USP15: variants seen among roughly 807,000 people sequenced by gnomAD.
USP15 encodes the protein ubiquitin carboxyl-terminal hydrolase 15.
A neutral mutation model predicts 127.1 loss-of-function variants in USP15; 18 were observed. The observed-to-expected ratio is 0.14, with a 90% CI of 0.10 to 0.21. The LOEUF (loss-of-function observed/expected upper bound fraction) is 0.21, where lower values mean the gene tolerates loss of function less well. USP15 is among the 10% of genes least tolerant of loss of function. The probability of loss-of-function intolerance (pLI) is 1.00; values close to 1 mark genes in which losing one functional copy is unlikely to be tolerated. For missense variants in USP15, 805 were observed against 1,159.9 expected, an observed-to-expected ratio of 0.69 and a Z score of 4.44; for synonymous variants, 364 against 393.7, an observed-to-expected ratio of 0.92 and a Z score of 0.89.
chr12:62,338,412 C>T (rs765070821), intron 6 of USP15, among the ~76,000 whole-genome samples: 2 of 152,084 alleles, frequency 1.3e-5, no homozygotes, highest in Non-Finnish European at 2.9e-5. Flanking sequence ...GAAATTTTCT[C>T]CCATTCTGTA....
Position 62,409,421 on chromosome 12 carries a change from T to C in USP15, c.*5046T>C, listed in dbSNP as rs571317471. 1 of 152,296 alleles carries C rather than the reference T, an allele frequency of 6.6e-6. No individual in the cohort carries two copies. The highest frequency in any genetic ancestry group is 2.1e-4 in the South Asian group (1 of 4,830). The allele number at this position is 152,296 out of a possible 1,614,324, so 9.4% of individuals were successfully genotyped here. A position where few individuals can be genotyped will look rare whatever the true frequency, so the allele number is the denominator to read the frequency against. On this transcript the variant is annotated 3_prime_UTR_variant, in exon 22 of 22. Transcript: ENST00000280377. Reference sequence around the variant, plus strand: ...TTTACAAAGCAGCTAAAAATACAACTATCTCTCTGGAATTGAAAATGTGTA... The same window carrying C: ...TTTACAAAGCAGCTAAAAATACAACCATCTCTCTGGAATTGAAAATGTGTA...
At chr12:62,330,757 C>CAA (rs201549202) in intron 6 of USP15, among the ~76,000 whole-genome samples, 79 of 123,216 alleles carry the variant, frequency 6.4e-4, no homozygotes, top group Middle Eastern at 4.3e-3. Context: ...CCCGTCTCTA[C>CAA]AAAAAAAAAA....
At chr12:62,355,975 C>T (rs558210658) in intron 8 of USP15, among the ~76,000 whole-genome samples, 1 of 150,952 alleles carries the variant, frequency 6.6e-6, no homozygotes, top group Non-Finnish European at 1.5e-5. Flanking sequence ...TTCCCCTGCC[C>T]CCACCCCCTT....
intron 1 of USP15, among the ~76,000 whole-genome samples, chr12:62,280,238 G>A (rs1339425315): frequency 1.3e-5 from 2 of 151,586 alleles, no homozygotes. Flanking sequence ...AGGAAACTGA[G>A]ATTTCCACTT....
At chr12:62,349,177 T>C in intron 6 of USP15, 44 bp from the exon 7 acceptor site, 1 of 1,165,304 alleles carries the variant, frequency 8.6e-7, no homozygotes, top group Non-Finnish European at 1.2e-6. Flanking sequence ...AATTTAAAAA[T>C]TCTTCATTTT....
At chr12:62,325,130 G>A (rs2065090033) in intron 5 of USP15, among the ~76,000 whole-genome samples, 1 of 151,788 alleles carries the variant, frequency 6.6e-6, no homozygotes. Flanking sequence ...CTAATCCATA[G>A]CAAAAACTAG....
chr12:62,278,200 T>C (rs1361973694), intron 1 of USP15, among the ~76,000 whole-genome samples: 1 of 152,188 alleles, frequency 6.6e-6, no homozygotes, highest in Non-Finnish European at 1.5e-5. Context: ...TCTTGTCCCA[T>C]TGGAAGGTCT....
At chr12:62,379,030 G>T (rs1436208542) in intron 8 of USP15, among the ~76,000 whole-genome samples, 5 of 151,884 alleles carry the variant, frequency 3.3e-5, no homozygotes, top group African/African-American at 1.2e-4. Flanking sequence ...AGTTCATTTG[G>T]CAAAACAAAC....
rs1293628324 is a variant in USP15, at chr12:62,314,913, A to G, written c.472A>G (p.Ile158Val). The stretch of plus-strand genomic sequence containing the variant: ...TCGAAGATTTAGCAAAGCTGACACA[A>G]TAGGTAATGCAAGATCCTGTCTTGT... ...VTRRFSKADT[I>V]DTIEKEIRKI... The change falls in exon 4 of 22, where the codon ATA becomes GTA. Residue 158 changes from isoleucine (I) to valine (V), a missense_variant. Coordinates refer to ENST00000280377, the MANE Select transcript of USP15 (RefSeq NM_001252078.2). 6.3e-7 allele frequency: 1 copy of G among 1,577,354 alleles called. No individual in the cohort carries two copies. Among genetic ancestry groups the G allele is most frequent in the African/African-American group, 1.4e-5 (1 of 73,136 alleles).
chr12:62,368,876 G>T (rs962277808), intron 8 of USP15, among the ~76,000 whole-genome samples: 34 of 152,110 alleles, frequency 2.2e-4, no homozygotes, highest in African/African-American at 7.7e-4. Context: ...TTGCCCATTG[G>T]TTGATGCTGT....
chr12:62,286,945 A>AG (rs1370368081), intron 1 of USP15, among the ~76,000 whole-genome samples: 1 of 151,836 alleles, frequency 6.6e-6, no homozygotes, highest in Non-Finnish European at 1.5e-5. Context: ...CTCAAAAAAA[A>AG]AAAAAAAGTG....
chr12:62,381,403 C>A, intron 8 of USP15, 87 bp from the exon 9 acceptor site: 1 of 1,164,394 alleles, frequency 8.6e-7, no homozygotes. Flanking sequence ...TATAGCAAAT[C>A]AATTTGTTTC....
At chr12:62,358,032 G>T (rs1486746173) in intron 8 of USP15, among the ~76,000 whole-genome samples, 1 of 151,900 alleles carries the variant, frequency 6.6e-6, no homozygotes, top group African/African-American at 2.4e-5. Context: ...ATGAATTTTA[G>T]AAAATATTAT....
chr12:62,390,743 A>T (rs1363424810), intron 14 of USP15, 121 bp from the exon 15 acceptor site: 1 of 555,926 alleles, frequency 1.8e-6, no homozygotes, highest in African/African-American at 1.9e-5. Flanking sequence ...TTTATCTTTG[A>T]ATCTACTAAG....
intron 2 of USP15, among the ~76,000 whole-genome samples, chr12:62,294,980 T>A (rs1468351857): frequency 6.6e-6 from 1 of 152,026 alleles, no homozygotes; most frequent in Non-Finnish European, 1.5e-5. Context: ...TTAAAAGAGA[T>A]TTCCAAGACA....
chr12:62,285,699 A>T (rs1313414924), intron 1 of USP15, among the ~76,000 whole-genome samples: 1 of 152,170 alleles, frequency 6.6e-6, no homozygotes, highest in Non-Finnish European at 1.5e-5. Flanking sequence ...ATGGACACTT[A>T]GGTTGTTTCC....
rs945436728 is a variant in USP15 at position 62,411,301 on chromosome 12, A to T, written c.*6926A>T. 4 of 152,208 alleles carry T rather than the reference A, an allele frequency of 2.6e-5. No homozygotes were observed. Among genetic ancestry groups the T allele is most frequent in the African/African-American group, 4.8e-5 (2 of 41,436 alleles). The allele number at this position is 152,208 out of a possible 1,614,324, so 9.4% of individuals were successfully genotyped here. ...AACTGGCTCCTCACTTTTTAGATGGATGGCACTGGGCTCTGGAGCAAACCA... is the reference window on the plus strand; with the variant it reads ...AACTGGCTCCTCACTTTTTAGATGGTTGGCACTGGGCTCTGGAGCAAACCA... On this transcript the variant is annotated 3_prime_UTR_variant, in exon 22 of 22. Coordinates refer to ENST00000280377, the MANE Select transcript of USP15 (RefSeq NM_001252078.2).
At chr12:62,338,132 T>C (rs971627013) in intron 6 of USP15, among the ~76,000 whole-genome samples, 2 of 152,202 alleles carry the variant, frequency 1.3e-5, no homozygotes, top group African/African-American at 4.8e-5. Flanking sequence ...CCACATCTTC[T>C]CCAGCATCTT....
intron 20 of USP15, among the ~76,000 whole-genome samples, chr12:62,399,519 T>C (rs150984776): frequency 6.6e-6 from 1 of 152,166 alleles, no homozygotes; most frequent in Non-Finnish European, 1.5e-5. Context: ...AACGCTTTCT[T>C]CTAGATTGTT....
Sources: allele counts gnomAD v4.1 joint callset (sites outside exome capture counted in the v4.1 genomes callset), GRCh38; gene constraint gnomAD v4.1.1; transcripts MANE v1.5; gene names NCBI Gene and HGNC (gene_info 2026-07-23, HGNC 2026-07-21).